The following GNA14 variants were observed in gnomAD, a reference collection of about 807,000 sequenced individuals.
GNA14 encodes the protein G protein subunit alpha 14.
A neutral mutation model predicts 42.0 loss-of-function variants in GNA14; 50 were observed. The observed-to-expected ratio is 1.19, with a 90% confidence interval of 0.95 to 1.51. The LOEUF (loss-of-function observed/expected upper bound fraction) is 1.51, where lower values mean the gene tolerates loss of function less well. Among genes scored for constraint, GNA14 ranks in the 40% most tolerant of loss-of-function variants. The pLI is 0.00. For synonymous variants in GNA14, 173 were observed against 163.1 expected (o/e 1.06, Z -0.46); for missense variants, 473 against 446.2 (o/e 1.06, Z -0.54).
In GNA14 at chr9:77,527,824, G is replaced by A. The variant is rs182453163; in HGVS notation, c.309+1245C>T. ...AATGTTTTGCAATTTTAGTAGAGAC[G>A]GGGTTTCACTATGTTGGCCAGGCTG... On this transcript the variant is annotated intron_variant, in intron 2 of 6. Coordinates refer to ENST00000341700, the MANE Select transcript of GNA14 (RefSeq NM_004297.4). Among the ~76,000 whole-genome samples, 51 of 152,214 alleles carry A rather than the reference G, an allele frequency of 3.4e-4. 1 individual carries two copies. The highest frequency in any genetic ancestry group is 2.8e-3 in the Admixed American group (43 of 15,276).
At chr9:77,452,203 G>A (rs1835913437) in intron 2 of GNA14, among the ~76,000 whole-genome samples, 2 of 152,120 alleles carry the variant, frequency 1.3e-5, no homozygotes, top group African/African-American at 4.8e-5. Flanking sequence ...ACAGCCTTAG[G>A]ATTCACCAAA....
chr9:77,457,695 G>A (rs1041959576), intron 2 of GNA14, among the ~76,000 whole-genome samples: 8 of 151,974 alleles, frequency 5.3e-5, no homozygotes, highest in Non-Finnish European at 8.8e-5. Flanking sequence ...ACCTTCATCC[G>A]GGCTATAGAC....
At chr9:77,643,528 C>T (rs935888605) in intron 1 of GNA14, among the ~76,000 whole-genome samples, 5 of 152,148 alleles carry the variant, frequency 3.3e-5, no homozygotes, top group East Asian at 3.9e-4. Context: ...GGTGAGCCAC[C>T]GCACCCAATC....
intron 2 of GNA14, among the ~76,000 whole-genome samples, chr9:77,524,385 A>G (rs1479315888): frequency 6.6e-6 from 1 of 152,192 alleles, no homozygotes; most frequent in Non-Finnish European, 1.5e-5. Flanking sequence ...ACCCTCTAAA[A>G]CCACTTTAAA....
intron 2 of GNA14, among the ~76,000 whole-genome samples, chr9:77,493,856 T>C (rs1305469184): frequency 6.6e-6 from 1 of 152,204 alleles, no homozygotes. Flanking sequence ...TTTACAACCA[T>C]CTTGAATATA....
intron 1 of GNA14, among the ~76,000 whole-genome samples, chr9:77,532,670 CT>C (rs1388078775): frequency 2.6e-5 from 4 of 152,200 alleles, no homozygotes; most frequent in African/African-American, 4.8e-5. Flanking sequence ...GACTCGGTGA[CT>C]TAGATCCTAC....
intron 1 of GNA14, among the ~76,000 whole-genome samples, chr9:77,575,806 T>C (rs1233003291): frequency 2.0e-5 from 3 of 152,246 alleles, no homozygotes; most frequent in Non-Finnish European, 2.9e-5. Flanking sequence ...ATTTAATTGA[T>C]TGAGTTGTCG....
At chr9:77,431,536 CAGTG>C in intron 3 of GNA14, 87 bp from the exon 4 acceptor site, 4 of 1,199,266 alleles carry the variant, frequency 3.3e-6, no homozygotes, top group Middle Eastern at 4.8e-4. Flanking sequence ...CCCCCACTCA[CAGTG>C]AGCCCCACAC....
At chr9:77,498,632 G>C (rs534974765) in intron 2 of GNA14, among the ~76,000 whole-genome samples, 26 of 152,290 alleles carry the variant, frequency 1.7e-4, no homozygotes, top group Admixed American at 1.2e-3. Flanking sequence ...GACGCACTTA[G>C]ACAAGATTTT....
intron 2 of GNA14, among the ~76,000 whole-genome samples, chr9:77,479,461 C>T (rs1396568021): frequency 6.6e-6 from 1 of 152,126 alleles, no homozygotes; most frequent in Non-Finnish European, 1.5e-5. Context: ...TAGCATGATG[C>T]CTCCAGCTTT....
intron 1 of GNA14, among the ~76,000 whole-genome samples, chr9:77,623,421 G>C (rs552447851): frequency 1.2e-3 from 177 of 152,056 alleles, no homozygotes; most frequent in African/African-American, 4.3e-3. Context: ...CCCCATAAAG[G>C]AGAAAGAATA....
At chr9:77,645,158 T>C (rs1328794166) in intron 1 of GNA14, among the ~76,000 whole-genome samples, 1 of 152,242 alleles carries the variant, frequency 6.6e-6, no homozygotes, top group Non-Finnish European at 1.5e-5. Flanking sequence ...TGCTTCATTG[T>C]GAAAGAGATG....
chr9:77,637,742 T>C (rs1824205258), intron 1 of GNA14, among the ~76,000 whole-genome samples: 1 of 152,106 alleles, frequency 6.6e-6, no homozygotes, highest in African/African-American at 2.4e-5. Flanking sequence ...TAGTCCCAGC[T>C]ACTCGGCAGG....
At chr9:77,519,431 A>C (rs1034253697) in intron 2 of GNA14, among the ~76,000 whole-genome samples, 3 of 152,126 alleles carry the variant, frequency 2.0e-5, no homozygotes, top group Non-Finnish European at 2.9e-5. Context: ...AAAAAAATTA[A>C]AACAAAACCA....
chr9:77,516,910 A>G (rs1023395347), intron 2 of GNA14, among the ~76,000 whole-genome samples: 4 of 152,184 alleles, frequency 2.6e-5, no homozygotes, highest in Non-Finnish European at 4.4e-5. Flanking sequence ...GAAAGTGAGG[A>G]TCGTGGTTGA....
intron 1 of GNA14, among the ~76,000 whole-genome samples, chr9:77,567,219 C>T (rs1482064464): frequency 6.6e-6 from 1 of 152,138 alleles, no homozygotes; most frequent in Non-Finnish European, 1.5e-5. Context: ...CTTTAGGAAG[C>T]AAGATTATTG....
chr9:77,563,787 CT>C (rs1378719408), intron 1 of GNA14, among the ~76,000 whole-genome samples: 1 of 152,084 alleles, frequency 6.6e-6, no homozygotes, highest in African/African-American at 2.4e-5. Flanking sequence ...AAGAGAATAA[CT>C]TTTTAAGTCT....
intron 2 of GNA14, among the ~76,000 whole-genome samples, chr9:77,520,892 A>G (rs983531842): frequency 1.3e-5 from 2 of 152,198 alleles, no homozygotes; most frequent in African/African-American, 2.4e-5. Context: ...GAATGGTCAA[A>G]TCAATGTTAT....
At chr9:77,574,119 A>T (rs1266427608) in intron 1 of GNA14, among the ~76,000 whole-genome samples, 3 of 152,204 alleles carry the variant, frequency 2.0e-5, no homozygotes, top group African/African-American at 7.2e-5. Flanking sequence ...AGCCTGGGCA[A>T]CATAGCAAGA....
Sources: gnomAD v4.1 joint callset for allele counts (sites outside exome capture counted in the v4.1 genomes callset) on GRCh38, gnomAD v4.1.1 for gene constraint, MANE v1.5 for transcripts, NCBI Gene and HGNC (gene_info 2026-07-23, HGNC 2026-07-21) for gene names.